The following GALNT13 variants were observed in gnomAD, a reference collection of about 807,000 sequenced individuals.
GALNT13 encodes UDP-GalNAc:polypeptide N-acetylgalactosaminyltransferase 13.
A neutral mutation model predicts 64.2 loss-of-function variants in GALNT13; 28 were observed. The ratio of observed to expected loss-of-function variants is 0.44; its 90% CI spans 0.32 to 0.60. The LOEUF (loss-of-function observed/expected upper bound fraction) is 0.60. Ranked by LOEUF, GALNT13 falls within the 20% of genes least tolerant of loss-of-function variation. GALNT13 has a pLI of 0.05. For missense variants in GALNT13, 577 were observed against 669.8 expected, an observed-to-expected ratio of 0.86 and a Z score of 1.53; for synonymous variants, 214 against 224.6, an observed-to-expected ratio of 0.95 and a Z score of 0.42.
chr2:154,296,131 A>C (rs765815593), intron 8 of GALNT13, among the ~76,000 whole-genome samples: 1 of 152,134 alleles, frequency 6.6e-6, no homozygotes, highest in African/African-American at 2.4e-5. Context: ...TCTATGTTCC[A>C]TGCTCTATAG....
At chr2:153,301,424 C>T in the GALNT13 span, among the ~76,000 whole-genome samples, 1 of 150,554 alleles carries the variant, frequency 6.6e-6, no homozygotes, top group Non-Finnish European at 1.5e-5. Flanking sequence ...ATGTAATTGA[C>T]AAATAAAAGG....
intron 3 of GALNT13, among the ~76,000 whole-genome samples, chr2:154,036,729 CCT>C: frequency 6.6e-6 from 1 of 152,046 alleles, no homozygotes; most frequent in Middle Eastern, 3.4e-3. Context: ...AAATATCTGC[CCT>C]CTAATCCAAT....
the GALNT13 span, among the ~76,000 whole-genome samples, chr2:153,208,971 G>GTTTTTTT: frequency 4.2e-4 from 18 of 42,926 alleles, no homozygotes; most frequent in South Asian, 1.1e-3. Context: ...TTTGGTTTTG[G>GTTTTTTT]TCTTTTTTTT....
At chr2:153,980,543 G>A (rs1028928981) in intron 3 of GALNT13, among the ~76,000 whole-genome samples, 1 of 152,106 alleles carries the variant, frequency 6.6e-6, no homozygotes, top group African/African-American at 2.4e-5. Flanking sequence ...GGTGTCGCGT[G>A]GGTGATCATG....
chr2:153,167,007 G>A, the GALNT13 span, among the ~76,000 whole-genome samples: 1 of 152,206 alleles, frequency 6.6e-6, no homozygotes, highest in Admixed American at 6.5e-5. Context: ...AGCCTTGTGA[G>A]ACTCTGAAGC....
the GALNT13 span, among the ~76,000 whole-genome samples, chr2:153,142,112 G>A: frequency 1.4e-4 from 21 of 152,002 alleles, no homozygotes; most frequent in African/African-American, 4.8e-4. Flanking sequence ...CTAAACTATC[G>A]GTCTTTATGA....
chr2:153,986,898 A>G (rs1694837786), intron 3 of GALNT13, among the ~76,000 whole-genome samples: 1 of 151,954 alleles, frequency 6.6e-6, no homozygotes, highest in Non-Finnish European at 1.5e-5. Context: ...AATATTAACG[A>G]TAGAGGAAGG....
At chr2:153,118,108 AAC>A in the GALNT13 span, among the ~76,000 whole-genome samples, 10 of 12,818 alleles carry the variant, frequency 7.8e-4, no homozygotes, top group African/African-American at 1.2e-3. Context: ...ACTATGTACC[AAC>A]ACACACACAC....
At chr2:154,277,651 C>T (rs1396048726) in intron 8 of GALNT13, among the ~76,000 whole-genome samples, 1 of 151,966 alleles carries the variant, frequency 6.6e-6, no homozygotes, top group African/African-American at 2.4e-5. Context: ...GAATTTCATC[C>T]AACTGTAAAA....
intron 3 of GALNT13, among the ~76,000 whole-genome samples, chr2:154,126,271 AG>A (rs749574250): frequency 1.3e-4 from 20 of 152,202 alleles, no homozygotes; most frequent in Non-Finnish European, 1.9e-4. Context: ...TTGTAACTAA[AG>A]GACAGCTAGG....
the GALNT13 span, among the ~76,000 whole-genome samples, chr2:153,550,957 A>G: frequency 6.6e-6 from 1 of 152,152 alleles, no homozygotes; most frequent in African/African-American, 2.4e-5. Flanking sequence ...ACAGTGATAA[A>G]TACTATGGAG....
At chr2:153,320,263 T>C in the GALNT13 span, among the ~76,000 whole-genome samples, 1 of 152,222 alleles carries the variant, frequency 6.6e-6, no homozygotes, top group African/African-American at 2.4e-5. Context: ...AACTTACTAA[T>C]GTGCATTTAT....
chr2:153,678,616 C>A, the GALNT13 span, among the ~76,000 whole-genome samples: 1 of 151,844 alleles, frequency 6.6e-6, no homozygotes, highest in Non-Finnish European at 1.5e-5. Flanking sequence ...GTATGCCAAA[C>A]CTCCATGCAA....
chr2:153,436,289 C>G, the GALNT13 span, among the ~76,000 whole-genome samples: 1 of 152,072 alleles, frequency 6.6e-6, no homozygotes, highest in Non-Finnish European at 1.5e-5. Context: ...CTAAAATTCT[C>G]TTTTTTTGTT....
intron 2 of GALNT13, among the ~76,000 whole-genome samples, chr2:153,932,928 C>A (rs539691535): frequency 6.6e-6 from 1 of 151,816 alleles, no homozygotes; most frequent in Non-Finnish European, 1.5e-5. Flanking sequence ...GTGCCTGGCC[C>A]GACAGATCTT....
the GALNT13 span, among the ~76,000 whole-genome samples, chr2:153,701,791 T>A: frequency 6.6e-6 from 1 of 152,092 alleles, no homozygotes; most frequent in African/African-American, 2.4e-5. Flanking sequence ...TACCACCTCA[T>A]GCCAGTCAAA....
At chr2:154,353,846 A>G (rs1213135555) in intron 9 of GALNT13, among the ~76,000 whole-genome samples, 2 of 152,166 alleles carry the variant, frequency 1.3e-5, no homozygotes, top group African/African-American at 2.4e-5. Context: ...TATCTTGGCT[A>G]TTGTGAACAA....
chr2:153,107,697 C>T, the GALNT13 span, among the ~76,000 whole-genome samples: 2 of 152,236 alleles, frequency 1.3e-5, no homozygotes, highest in Middle Eastern at 3.4e-3. Context: ...AGCAGATTTA[C>T]TGTCATAACT....
At chr2:154,338,364 T>C (rs1054032125) in intron 9 of GALNT13, among the ~76,000 whole-genome samples, 32 of 151,648 alleles carry the variant, frequency 2.1e-4, no homozygotes, top group Non-Finnish European at 1.8e-4. Flanking sequence ...TACTTTTTTT[T>C]CCAATATGTG....
Sources: gnomAD v4.1 joint callset for allele counts (sites outside exome capture counted in the v4.1 genomes callset) on GRCh38, gnomAD v4.1.1 for gene constraint, MANE v1.5 for transcripts, NCBI Gene and HGNC (gene_info 2026-07-23, HGNC 2026-07-21) for gene names.